The following LARP4 variants were observed in gnomAD, a reference collection of about 807,000 sequenced individuals.
LARP4 encodes the protein la-related protein 4.
LARP4 carries 29 observed loss-of-function variants against 92.9 expected under a neutral mutation model. That is an observed-to-expected ratio of 0.31 (90% CI 0.23 to 0.43). The LOEUF is 0.43. LARP4 is among the 20% of genes least tolerant of loss of function. The pLI is 1.00. For synonymous variants in LARP4, 279 were observed against 284.1 expected (o/e 0.98, Z 0.18); for missense variants, 732 against 860.0 (o/e 0.85, Z 1.86).
chr12:50,448,013 C>A (rs555442441), intron 8 of LARP4, among the ~76,000 whole-genome samples: 138 of 152,104 alleles, frequency 9.1e-4, no homozygotes, highest in Non-Finnish European at 1.6e-3. Flanking sequence ...ATTACAGGCA[C>A]CTGCCACCAC....
chr12:50,455,868 G>A (rs778008237), intron 10 of LARP4, among the ~76,000 whole-genome samples: 45 of 152,064 alleles, frequency 3.0e-4, no homozygotes, highest in East Asian at 1.2e-3. Context: ...GCAATATGAC[G>A]AAACATCATC....
chr12:50,424,568 GGCT>G (rs1021581709), intron 1 of LARP4, among the ~76,000 whole-genome samples: 1 of 151,900 alleles, frequency 6.6e-6, no homozygotes, highest in African/African-American at 2.4e-5. Flanking sequence ...ATGTTGGTCA[GGCT>G]GGTCTCGAAC....
At position 50,457,299 on chromosome 12, in the gene LARP4, C is replaced by T. The variant is rs1396884397; in HGVS notation, c.1121+2882C>T. Among the ~76,000 whole-genome samples the T allele has an allele frequency of 2.0e-5, 3 of 151,170 alleles. No individual in the cohort carries two copies. In the Admixed American group the frequency reaches 2.0e-4, roughly 10 times the overall value. ...TCGGCTCACTGCAACGTCCGTCTCC[C>T]GGGTTCAAGCGATACTCCTGCCTTA... On this transcript the variant is annotated intron_variant, in intron 10 of 15. Coordinates refer to ENST00000398473, the MANE Select transcript of LARP4 (RefSeq NM_052879.5).
chr12:50,437,720 T>C lies in LARP4; in HGVS notation c.536-15T>C, dbSNP rs752119555. On this transcript the variant is annotated splice_polypyrimidine_tract_variant and intron_variant, in intron 5 of 15. Transcript: ENST00000398473. Reference sequence around the variant, plus strand: ...CTTGTCACGTTTGAGTGATACCCTTTCTTTTAAATTTCAGCTTCTCCCATG... The same window carrying C: ...CTTGTCACGTTTGAGTGATACCCTTCCTTTTAAATTTCAGCTTCTCCCATG... The C allele has an allele frequency of 6.8e-7, 1 of 1,479,066 alleles. No individual in the cohort carries two copies. Among genetic ancestry groups the C allele is most frequent in the Non-Finnish European group, 9.4e-7 (1 of 1,061,982 alleles). The allele number at this position is 1,479,066 out of a possible 1,614,324, so 91.6% of individuals were successfully genotyped here.
At chr12:50,473,948 A>G (rs777146281) in intron 14 of LARP4, 51 bp from the exon 15 acceptor site, 183 of 1,503,678 alleles carry the variant, frequency 1.2e-4, no homozygotes, top group Non-Finnish European at 1.6e-4. Context: ...TAGTTGCTCA[A>G]CTGTTCCTAT....
chr12:50,479,140 A>G lies in LARP4; in HGVS notation c.*3276A>G, dbSNP rs1957721930. The G allele has an allele frequency of 6.6e-6, 1 of 152,624 alleles. No individual in the cohort carries two copies. The highest frequency in any genetic ancestry group is 6.5e-5 in the Admixed American group (1 of 15,276). The allele number at this position is 152,624 out of a possible 1,614,324, so 9.5% of individuals were successfully genotyped here. ...TTTAAAAGTTAATGAACACTTCTCT[A>G]GTTTTCTTAGTTATGGCCTTAATAA... is the stretch of plus-strand genomic sequence containing the variant. On this transcript the variant is annotated 3_prime_UTR_variant, in exon 16 of 16. Transcript: ENST00000398473.
At chr12:50,453,335 C>T in intron 8 of LARP4, 125 bp from the exon 9 acceptor site, 3 of 534,548 alleles carry the variant, frequency 5.6e-6, no homozygotes, top group South Asian at 3.4e-5. Flanking sequence ...TTTTCTTTTG[C>T]TCTACTGATT....
In LARP4 at chr12:50,400,925, T is replaced by A. The variant is rs1226818694; in HGVS notation, c.-86T>A. On this transcript the variant is annotated 5_prime_UTR_variant, in exon 1 of 16. Transcript: ENST00000398473. Reference sequence around the variant, plus strand: ...CGGGTGGAGGGGCAAGGCGAGTGTGTGTCCTTATCCTAGCAATTGGGGCGC... The same window carrying A: ...CGGGTGGAGGGGCAAGGCGAGTGTGAGTCCTTATCCTAGCAATTGGGGCGC... 3 of 1,579,676 alleles carry A rather than the reference T, an allele frequency of 1.9e-6. No homozygotes were observed. Among genetic ancestry groups the A allele is most frequent in the Non-Finnish European group, 2.6e-6 (3 of 1,148,532 alleles).
intron 1 of LARP4, among the ~76,000 whole-genome samples, chr12:50,418,813 G>A (rs1467807811): frequency 6.6e-6 from 1 of 152,084 alleles, no homozygotes; most frequent in East Asian, 1.9e-4. Context: ...CAGTCTCCCA[G>A]ACTCAAGCAA....
intron 1 of LARP4, chr12:50,401,346 T>C (rs961261251): frequency 3.0e-6 from 1 of 338,584 alleles, no homozygotes; most frequent in East Asian, 6.2e-5. Flanking sequence ...CATTGGGGGG[T>C]TGGGGGGCGG....
chr12:50,465,632 C>T (rs1376340052), intron 12 of LARP4, among the ~76,000 whole-genome samples: 1 of 152,022 alleles, frequency 6.6e-6, no homozygotes, highest in African/African-American at 2.4e-5. Context: ...AATATGGAAC[C>T]TTGGGGAATA....
intron 1 of LARP4, among the ~76,000 whole-genome samples, chr12:50,426,717 GTGTGTGTGTGTGTGGTT>G (rs1948804242): frequency 1.5e-5 from 2 of 135,970 alleles, no homozygotes; most frequent in African/African-American, 6.1e-5. Flanking sequence ...GTGTGTGTGT[GTGTGTGTGTGTGTGGTT>G]TTTTTTTTTT....
chr12:50,427,020 G>A (rs1269633743), intron 1 of LARP4, among the ~76,000 whole-genome samples: 1 of 152,106 alleles, frequency 6.6e-6, no homozygotes, highest in Non-Finnish European at 1.5e-5. Context: ...TTATAGGAAT[G>A]AACCATCGTG....
intron 12 of LARP4, among the ~76,000 whole-genome samples, chr12:50,463,993 C>A (rs1955814812): frequency 6.6e-6 from 1 of 152,136 alleles, no homozygotes; most frequent in African/African-American, 2.4e-5. Context: ...GCTCCAAAGC[C>A]AGTCTAGGAA....
intron 7 of LARP4, among the ~76,000 whole-genome samples, chr12:50,441,041 A>T (rs1047096494): frequency 4.6e-5 from 7 of 151,650 alleles, no homozygotes; most frequent in African/African-American, 4.8e-5. Context: ...CCGCCACTAC[A>T]CCCAGCTAAT....
intron 5 of LARP4, among the ~76,000 whole-genome samples, chr12:50,436,155 GGT>G (rs1233189885): frequency 3.2e-4 from 34 of 107,164 alleles, no homozygotes; most frequent in South Asian, 1.4e-3. Context: ...ATCCCGCTGG[GGT>G]GTGTGTGTGT....
At chr12:50,445,454 C>T (rs1347802403) in intron 8 of LARP4, among the ~76,000 whole-genome samples, 1 of 152,024 alleles carries the variant, frequency 6.6e-6, no homozygotes, top group Non-Finnish European at 1.5e-5. Context: ...AAATACTAAA[C>T]TTCTTGGCTC....
chr12:50,471,870 T>G (rs549072492), intron 13 of LARP4, among the ~76,000 whole-genome samples: 2 of 152,324 alleles, frequency 1.3e-5, no homozygotes, highest in African/African-American at 4.8e-5. Context: ...TTTTTACACA[T>G]TCTGTGCACT....
intron 8 of LARP4, among the ~76,000 whole-genome samples, chr12:50,444,106 T>G (rs1951656673): frequency 6.6e-6 from 1 of 152,216 alleles, no homozygotes; most frequent in Non-Finnish European, 1.5e-5. Context: ...GGAATTCTGT[T>G]CAATTTATTG....
Sources: allele counts gnomAD v4.1 joint callset (sites outside exome capture counted in the v4.1 genomes callset), GRCh38; gene constraint gnomAD v4.1.1; transcripts MANE v1.5; gene names NCBI Gene and HGNC (gene_info 2026-07-23, HGNC 2026-07-21).